The following ROBO2 variants were observed in gnomAD, a reference collection of about 807,000 sequenced individuals.
ROBO2 encodes the protein roundabout guidance receptor 2.
Under a neutral mutation model 160.8 loss-of-function variants are expected in ROBO2, and 53 were observed. The observed-to-expected ratio is 0.33, with a 90% CI of 0.26 to 0.41. The LOEUF is 0.41. Ranked by LOEUF, ROBO2 falls within the 10% of genes least tolerant of loss-of-function variation. The pLI, the probability that ROBO2 is intolerant of heterozygous loss-of-function variation, is 1.00. For missense variants in ROBO2, 1,577 were observed against 1,722.4 expected, an observed-to-expected ratio of 0.92 and a Z score of 1.49; for synonymous variants, 664 against 611.7, an observed-to-expected ratio of 1.09 and a Z score of -1.26.
At chr3:76,256,828 T>A (rs1455641617) in intron 2 of ROBO2, among the ~76,000 whole-genome samples, 3 of 152,080 alleles carry the variant, frequency 2.0e-5, no homozygotes, top group Non-Finnish European at 2.9e-5. Flanking sequence ...GGCCCTGACA[T>A]CTGCTCAGCT....
chr3:77,446,102 T>C (rs2080478691), intron 2 of ROBO2, among the ~76,000 whole-genome samples: 1 of 152,094 alleles, frequency 6.6e-6, no homozygotes, highest in Non-Finnish European at 1.5e-5. Flanking sequence ...ATTGAATTAT[T>C]TGCTAATTGT....
At chr3:77,053,991 C>T (rs1471986915) in intron 1 of ROBO2, among the ~76,000 whole-genome samples, 1 of 152,162 alleles carries the variant, frequency 6.6e-6, no homozygotes, top group African/African-American at 2.4e-5. Context: ...GATTCTCTTT[C>T]AATGAATGTG....
intron 2 of ROBO2, among the ~76,000 whole-genome samples, chr3:77,374,935 A>G (rs984106600): frequency 6.6e-6 from 1 of 152,228 alleles, no homozygotes; most frequent in African/African-American, 2.4e-5. Context: ...GGTGCTGGGC[A>G]TGCTGGCTCA....
chr3:77,308,777 A>G (rs1411057965), intron 2 of ROBO2, among the ~76,000 whole-genome samples: 2 of 152,162 alleles, frequency 1.3e-5, no homozygotes, highest in Non-Finnish European at 2.9e-5. Context: ...TTTCTCTCAG[A>G]TTCTAACTAA....
chr3:77,186,443 A>G (rs2081295364), intron 2 of ROBO2, among the ~76,000 whole-genome samples: 1 of 151,972 alleles, frequency 6.6e-6, no homozygotes, highest in African/African-American at 2.4e-5. Flanking sequence ...AGATGAGAAG[A>G]AAGGCCCTTT....
At chr3:76,463,193 C>T (rs555657091) in intron 2 of ROBO2, among the ~76,000 whole-genome samples, 8 of 152,104 alleles carry the variant, frequency 5.3e-5, no homozygotes, top group Admixed American at 2.6e-4. Flanking sequence ...GGGTGACCTA[C>T]GATTTAGGGA....
intron 2 of ROBO2, among the ~76,000 whole-genome samples, chr3:76,438,913 A>C (rs955392751): frequency 4.6e-5 from 7 of 151,936 alleles, no homozygotes; most frequent in African/African-American, 1.7e-4. Context: ...ACAAGAGAAA[A>C]GGAAACAAAG....
chr3:77,208,184 T>G (rs970327884), intron 2 of ROBO2, among the ~76,000 whole-genome samples: 31 of 152,204 alleles, frequency 2.0e-4, no homozygotes, highest in Non-Finnish European at 4.1e-4. Flanking sequence ...TGACCTTGTC[T>G]ACTCATTTAT....
At chr3:76,357,405 G>A (rs2075240359) in intron 2 of ROBO2, among the ~76,000 whole-genome samples, 1 of 151,846 alleles carries the variant, frequency 6.6e-6, no homozygotes, top group Admixed American at 6.6e-5. Context: ...CAATATCGAT[G>A]AACCTCAAAA....
chr3:76,172,303 G>T (rs2073072293), intron 2 of ROBO2, among the ~76,000 whole-genome samples: 1 of 128,488 alleles, frequency 7.8e-6, no homozygotes, highest in Non-Finnish European at 1.6e-5. Context: ...TGGGGGGAGG[G>T]ATAGCATTAG....
intron 2 of ROBO2, among the ~76,000 whole-genome samples, chr3:76,178,775 C>G (rs2073321123): frequency 6.6e-6 from 1 of 152,136 alleles, no homozygotes; most frequent in South Asian, 2.1e-4. Flanking sequence ...AACCCTGTCT[C>G]TACTAAAAGT....
rs540986620 is a variant in ROBO2 at position 76,207,062 on chromosome 3, A to G, written c.109+269460A>G. 2.0e-5 allele frequency among the ~76,000 whole-genome samples: 3 copies of G among 152,328 alleles called. No homozygotes were observed. The South Asian group carries it at 6.2e-4, about 32-fold the overall frequency. Reference sequence around the variant, plus strand: ...TTTGTCACAATTCCCTTCATAATTAACTTTAGCTCACAAACTCTATCAGAA... The same window carrying G: ...TTTGTCACAATTCCCTTCATAATTAGCTTTAGCTCACAAACTCTATCAGAA... On this transcript the variant is annotated intron_variant, in intron 2 of 26. Transcript: ENST00000487694.
chr3:76,559,061 T>C (rs1358531380), intron 2 of ROBO2, among the ~76,000 whole-genome samples: 1 of 152,108 alleles, frequency 6.6e-6, no homozygotes, highest in Non-Finnish European at 1.5e-5. Flanking sequence ...ACGAAACAGA[T>C]GGTATTTACA....
exon 1 of ROBO2, chr3:77,040,765 G>T: frequency 6.2e-7 from 1 of 1,613,874 alleles, no homozygotes; most frequent in South Asian, 1.1e-5. Context: ...AAAGAATCTG[G>T]ATCCTTTTTA....
In ROBO2 at chr3:76,434,931, C is replaced by T. The variant is rs113127334; in HGVS notation, c.109+497329C>T. On this transcript the variant is annotated intron_variant, in intron 2 of 26. Coordinates refer to the ROBO2 transcript ENST00000487694. The stretch of plus-strand genomic sequence containing the variant: ...ACCTAAACCCCAAACCAGCCCATCC[C>T]CCAAACCAGCCACAAAGAAGGAGCC... 4.0e-4 allele frequency: 647 copies of T among 1,600,730 alleles called. 2 individuals carry two copies. In the African/African-American group the frequency reaches 7.7e-3, roughly 19 times the overall value.
chr3:77,516,162 C>A (rs143894139), intron 5 of ROBO2, among the ~76,000 whole-genome samples: 4 of 151,524 alleles, frequency 2.6e-5, no homozygotes, highest in Non-Finnish European at 4.4e-5. Context: ...TGCTATAATT[C>A]CTTTGTTAAG....
At chr3:77,144,795 G>A (rs1431019535) in intron 2 of ROBO2, among the ~76,000 whole-genome samples, 1 of 152,272 alleles carries the variant, frequency 6.6e-6, no homozygotes, top group Admixed American at 6.5e-5. Flanking sequence ...ACATGCTTTT[G>A]TGATAAACTT....
At chr3:77,083,668 G>A (rs990261230) in intron 1 of ROBO2, among the ~76,000 whole-genome samples, 1 of 152,102 alleles carries the variant, frequency 6.6e-6, no homozygotes, top group African/African-American at 2.4e-5. Context: ...GAGAAAGAAG[G>A]AAGAATCCAC....
chr3:75,954,230 T>C (rs1242176322), intron 2 of ROBO2, among the ~76,000 whole-genome samples: 1 of 151,872 alleles, frequency 6.6e-6, no homozygotes, highest in Non-Finnish European at 1.5e-5. Context: ...AATGCATGTA[T>C]ATTTTTTTAT....
Sources: allele counts gnomAD v4.1 joint callset (sites outside exome capture counted in the v4.1 genomes callset), GRCh38; gene constraint gnomAD v4.1.1; transcripts MANE v1.5; gene names NCBI Gene and HGNC (gene_info 2026-07-23, HGNC 2026-07-21).